The following FAM13A variants were observed in gnomAD, a reference collection of about 807,000 sequenced individuals.
The protein encoded by FAM13A is protein FAM13A.
A neutral mutation model predicts 129.6 loss-of-function variants in FAM13A; 76 were observed. That is an observed-to-expected ratio of 0.59 (90% CI 0.49 to 0.71). The LOEUF is 0.71. FAM13A is among the 30% of genes least tolerant of loss of function. The pLI, the probability that FAM13A is intolerant of heterozygous loss-of-function variation, is 0.00. For synonymous variants in FAM13A, 443 were observed against 449.9 expected (o/e 0.98, Z 0.20); for missense variants, 1,108 against 1,249.3 (o/e 0.89, Z 1.70).
chr4:88,822,812 T>A (rs1330561197), intron 7 of FAM13A, among the ~76,000 whole-genome samples: 1 of 152,156 alleles, frequency 6.6e-6, no homozygotes, highest in Non-Finnish European at 1.5e-5. Context: ...AAAAGAGCAG[T>A]ATAATATTTA....
At chr4:88,794,987 C>G (rs1383665227) in intron 8 of FAM13A, among the ~76,000 whole-genome samples, 1 of 151,724 alleles carries the variant, frequency 6.6e-6, no homozygotes, top group East Asian at 1.9e-4. Context: ...AATTTTAGTG[C>G]ATTCTTCATA....
rs1744210895 is a variant in FAM13A, at chr4:88,758,761, G to T, written c.1719C>A (p.Asn573Lys). The T allele has an allele frequency of 6.2e-7, 1 of 1,612,750 alleles. No individual in the cohort carries two copies. Among genetic ancestry groups the T allele is most frequent in the African/African-American group, 1.3e-5 (1 of 74,850 alleles). ...AGTATCAGACAACCCTACCTTCCCA[G>T]TTCTTTTCATCACACAATGCAGTCA... is the stretch of plus-strand genomic sequence containing the variant. ...SDLTALCDEK[N>K]WEEPIPAFSS... The change falls in exon 14 of 24, where the codon AAC (asparagine) becomes AAA (lysine). Residue 573 changes from asparagine to lysine, a missense_variant. Coordinates refer to ENST00000264344, the MANE Select transcript of FAM13A (RefSeq NM_014883.4).
intron 1 of FAM13A, among the ~76,000 whole-genome samples, chr4:89,037,507 C>A (rs968062928): frequency 6.6e-6 from 1 of 152,162 alleles, no homozygotes; most frequent in Non-Finnish European, 1.5e-5. Flanking sequence ...ACAGAAGGGA[C>A]TTGCCTTGTC....
chr4:89,050,356 C>T (rs899241562), intron 1 of FAM13A, among the ~76,000 whole-genome samples: 2 of 151,970 alleles, frequency 1.3e-5, no homozygotes, highest in African/African-American at 4.8e-5. Context: ...GTGTGTGCCA[C>T]CACTCCCAGC....
chr4:88,986,422 C>T (rs1031622290), intron 4 of FAM13A, among the ~76,000 whole-genome samples: 1 of 152,236 alleles, frequency 6.6e-6, no homozygotes, highest in Non-Finnish European at 1.5e-5. Context: ...GCATGAGCCA[C>T]CGCGCCCGAC....
chr4:89,002,266 G>T (rs1764363645), intron 3 of FAM13A, among the ~76,000 whole-genome samples: 1 of 151,682 alleles, frequency 6.6e-6, no homozygotes, highest in South Asian at 2.1e-4. Context: ...ACTGGAAACA[G>T]ATTGTTTACA....
intron 7 of FAM13A, among the ~76,000 whole-genome samples, chr4:88,821,608 C>A (rs890713931): frequency 1.3e-5 from 2 of 152,056 alleles, no homozygotes; most frequent in Admixed American, 1.3e-4. Context: ...ATCTAGAATA[C>A]AATTCGCTTA....
intron 4 of FAM13A, among the ~76,000 whole-genome samples, chr4:88,948,949 T>C (rs1756440435): frequency 6.6e-6 from 1 of 152,272 alleles, no homozygotes; most frequent in Non-Finnish European, 1.5e-5. Flanking sequence ...TTTCTAGTCC[T>C]GATCTCTCTT....
intron 6 of FAM13A, among the ~76,000 whole-genome samples, chr4:88,852,183 GA>G (rs1737680427): frequency 6.9e-6 from 1 of 145,982 alleles, no homozygotes; most frequent in African/African-American, 2.6e-5. Context: ...TTTTGAGACA[GA>G]GTCTCGCTCT....
In FAM13A at chr4:88,998,173, A is replaced by T. The variant is rs1395846025; in HGVS notation, c.428-7023T>A. Among the ~76,000 whole-genome samples, 3 of 152,196 alleles carry T rather than the reference A, an allele frequency of 2.0e-5. No homozygotes were observed. The East Asian group carries it at 5.8e-4, about 29-fold the overall frequency. On this transcript the variant is annotated intron_variant, in intron 3 of 23. Transcript: ENST00000264344. ...TTGTGAGATTTAGAGTAGAGGAACC[A>T]GTTGAGCCCACACACTTCTCACCCA...
chr4:88,873,553 A>C (rs1741808564), intron 6 of FAM13A, among the ~76,000 whole-genome samples: 1 of 152,234 alleles, frequency 6.6e-6, no homozygotes, highest in Admixed American at 6.5e-5. Context: ...GAAATGGATA[A>C]ATTCTTGGAC....
At chr4:88,732,425 T>C (rs1738034945) in intron 21 of FAM13A, 2 of 387,484 alleles carry the variant, frequency 5.2e-6, no homozygotes, top group African/African-American at 2.1e-5. Context: ...GAAAACAGAC[T>C]GCAAAACTAT....
chr4:88,799,852 T>C (rs1561025638), intron 8 of FAM13A, among the ~76,000 whole-genome samples: 1 of 152,206 alleles, frequency 6.6e-6, no homozygotes, highest in African/African-American at 2.4e-5. Context: ...TATTTGTACA[T>C]CCATGTTCAT....
Position 88,851,190 on chromosome 4 carries a change from G to GAAAA in FAM13A, c.844-11_844-8dup. On this transcript the variant is annotated splice_region_variant and splice_polypyrimidine_tract_variant and intron_variant, in intron 6 of 23. Transcript: ENST00000264344. ...CACTCCTGGATTTTGGGATCTAGAA[G>GAAAA]AAAAAAAAAAGAGGGGTGGGGGAGA... 2 of 1,312,836 alleles carry GAAAA rather than the reference G, an allele frequency of 1.5e-6. No homozygotes were observed. The highest frequency in any genetic ancestry group is 2.0e-6 in the Non-Finnish European group (2 of 987,628). The allele number at this position is 1,312,836 out of a possible 1,614,324, so 81.3% of individuals were successfully genotyped here.
chr4:88,955,816 G>GT (rs1419218248), intron 4 of FAM13A, among the ~76,000 whole-genome samples: 1 of 152,072 alleles, frequency 6.6e-6, no homozygotes, highest in Non-Finnish European at 1.5e-5. Context: ...GAGAGAGATG[G>GT]TTTGGAATTG....
intron 21 of FAM13A, among the ~76,000 whole-genome samples, chr4:88,732,789 A>G (rs1322426784): frequency 1.3e-5 from 2 of 152,050 alleles, no homozygotes; most frequent in African/African-American, 4.8e-5. Context: ...TGAAATAAGA[A>G]AACTCAAGCT....
chr4:88,804,573 TA>T (rs1728180572), intron 8 of FAM13A, among the ~76,000 whole-genome samples: 1 of 152,164 alleles, frequency 6.6e-6, no homozygotes, highest in South Asian at 2.1e-4. Context: ...TTAAACCCTA[TA>T]AACTTGCTGA....
At chr4:88,885,977 C>A (rs1017737805) in intron 6 of FAM13A, among the ~76,000 whole-genome samples, 1 of 150,140 alleles carries the variant, frequency 6.7e-6, no homozygotes, top group African/African-American at 2.5e-5. Flanking sequence ...CCACCTTACT[C>A]CTGCAAGAAT....
chr4:88,918,401 G>C (rs376204207), intron 5 of FAM13A, among the ~76,000 whole-genome samples: 7 of 152,334 alleles, frequency 4.6e-5, no homozygotes, highest in African/African-American at 1.7e-4. Context: ...TGTAAGGAAA[G>C]TGAGGTACAG....
Sources: gnomAD v4.1 joint callset for allele counts (sites outside exome capture counted in the v4.1 genomes callset) on GRCh38, gnomAD v4.1.1 for gene constraint, MANE v1.5 for transcripts, NCBI Gene and HGNC (gene_info 2026-07-23, HGNC 2026-07-21) for gene names.